The following TTLL8 variants were observed in gnomAD, a reference collection of about 807,000 sequenced individuals.
TTLL8 encodes tubulin tyrosine ligase like 8, also known as protein monoglycylase TTLL8.
Under a neutral mutation model 77.8 loss-of-function variants are expected in TTLL8, and 65 were observed. The observed-to-expected ratio is 0.84, with a 90% confidence interval of 0.68 to 1.03. TTLL8 has a LOEUF of 1.03. TTLL8 is among the 50% of genes least tolerant of loss of function. The probability of loss-of-function intolerance (pLI) is 0.00; values close to 1 mark genes in which losing one functional copy is unlikely to be tolerated. For missense variants in TTLL8, 910 were observed against 1,004.5 expected (o/e 0.91, Z 1.27); for synonymous variants, 402 against 422.8 (o/e 0.95, Z 0.60).
Position 50,031,747 on chromosome 22 carries a change from G to C in TTLL8, c.1646C>G (p.Thr549Ser), listed in dbSNP as rs192975363. 2,521 of 1,356,844 alleles carry C rather than the reference G, an allele frequency of 1.9e-3. 2 individuals are homozygous for C. The highest frequency in any genetic ancestry group is 2.2e-3 in the Non-Finnish European group (2,271 of 1,014,674). The allele number at this position is 1,356,844 out of a possible 1,614,324, so 84.1% of individuals were successfully genotyped here. Residue 549 changes from threonine (T) to serine (S), a missense_variant, in exon 11 of 14, where the codon ACC (threonine) becomes AGC (serine). By Grantham distance (58) the Thr-to-Ser change is moderately conservative. Transcript: ENST00000266182. ...GCTGCGGTCCACGGCCACCTTGATG[G>C]TGTCCTCCTGCACCTGTGCACACAG...
chr22:50,027,050 A>G (rs2061233698), intron 12 of TTLL8, among the ~76,000 whole-genome samples: 1 of 151,870 alleles, frequency 6.6e-6, no homozygotes, highest in Non-Finnish European at 1.5e-5. Context: ...CCTGACCAAT[A>G]TGATGAAACC....
At chr22:50,024,174 T>C (rs761325514) in intron 12 of TTLL8, among the ~76,000 whole-genome samples, 22 of 152,216 alleles carry the variant, frequency 1.4e-4, no homozygotes, top group Admixed American at 6.5e-4. Context: ...TCTCTCTCTG[T>C]CAACCAGGCT....
chr22:50,045,262 G>A (rs1310939599), exon 6 of TTLL8: 1 of 1,355,458 alleles, frequency 7.4e-7, no homozygotes. Context: ...CACCTTGCCT[G>A]CTGCTCAGGT....
At chr22:50,052,855 A>C (rs1423531468) in intron 1 of TTLL8, among the ~76,000 whole-genome samples, 3 of 152,246 alleles carry the variant, frequency 2.0e-5, no homozygotes, top group Non-Finnish European at 4.4e-5. Flanking sequence ...TAGAATGCAC[A>C]GACCAATAAG....
intron 12 of TTLL8, among the ~76,000 whole-genome samples, chr22:50,022,655 G>A (rs1053033540): frequency 3.3e-5 from 5 of 149,796 alleles, no homozygotes; most frequent in East Asian, 1.9e-4. Flanking sequence ...TCCATCTGAC[G>A]ATGTGTTTTG....
intron 12 of TTLL8, among the ~76,000 whole-genome samples, chr22:50,021,782 ATCTGACGACGTGCACTCCTC>A (rs2061202531): frequency 9.4e-6 from 1 of 106,118 alleles, no homozygotes. Context: ...GCACTCCTCC[ATCTGACGACGTGCACTCCTC>A]CATCTGACAT....
intron 6 of TTLL8, among the ~76,000 whole-genome samples, chr22:50,043,658 T>C (rs965789471): frequency 6.6e-6 from 1 of 151,004 alleles, no homozygotes; most frequent in Non-Finnish European, 1.5e-5. Flanking sequence ...CAGTGGTAGA[T>C]CTAGACAGTG....
chr22:50,052,183 C>T (rs1002957615), intron 1 of TTLL8, among the ~76,000 whole-genome samples: 12 of 152,162 alleles, frequency 7.9e-5, no homozygotes, highest in Admixed American at 2.0e-4. Flanking sequence ...TGGCTGTGCA[C>T]GTGAATGAGC....
intron 8 of TTLL8, among the ~76,000 whole-genome samples, chr22:50,036,611 T>C (rs1569227057): frequency 6.6e-6 from 1 of 151,504 alleles, no homozygotes; most frequent in Non-Finnish European, 1.5e-5. Flanking sequence ...TCTTTTTTTT[T>C]TTTTTTAAGA....
chr22:50,046,528 G>C (rs1438943295), intron 4 of TTLL8, among the ~76,000 whole-genome samples: 7 of 152,270 alleles, frequency 4.6e-5, no homozygotes, highest in Admixed American at 4.6e-4. Flanking sequence ...CTGCACACGG[G>C]GTCTTTGAAG....
chr22:50,033,347 C>T (rs750618535), exon 10 of TTLL8: 6 of 1,365,206 alleles, frequency 4.4e-6, no homozygotes, highest in East Asian at 4.5e-5. Context: ...AGCGGCGTCT[C>T]GATGTACTTC....
At chr22:50,050,030 A>C in intron 2 of TTLL8, 79 bp downstream of exon 4, 1 of 1,305,218 alleles carries the variant, frequency 7.7e-7, no homozygotes, top group African/African-American at 1.5e-5. Flanking sequence ...CAGGCACCAC[A>C]CTCAGGCCGG....
Position 50,041,598 on chromosome 22 carries a change from C to A in TTLL8, c.830+23G>T, listed in dbSNP as rs756469222. 1 of 1,329,682 alleles carries A rather than the reference C, an allele frequency of 7.5e-7. No homozygotes were observed. The highest frequency in any genetic ancestry group is 2.2e-5 in the Admixed American group (1 of 45,840). The allele number at this position is 1,329,682 out of a possible 1,614,324, so 82.4% of individuals were successfully genotyped here. ...TCTGCACTCACAGCTCCGACATGTG[C>A]CAGGGGCCTGCGTAAGTCTTACTGA... On this transcript the variant is annotated intron_variant, in intron 7 of 13. Coordinates refer to ENST00000266182, the Ensembl canonical transcript of TTLL8. The surrounding 1 kb of genome is among the most constrained non-coding windows in gnomAD (Gnocchi z 4.3).
chr22:50,021,629 T>C (rs2061201079), intron 12 of TTLL8, among the ~76,000 whole-genome samples: 2 of 134,020 alleles, frequency 1.5e-5, no homozygotes, highest in South Asian at 2.6e-4. Flanking sequence ...CCATCTGACA[T>C]GCACTCCTCC....
intron 12 of TTLL8, among the ~76,000 whole-genome samples, chr22:50,021,471 A>C (rs2061199599): frequency 7.9e-6 from 1 of 126,348 alleles, no homozygotes; most frequent in Non-Finnish European, 1.6e-5. Flanking sequence ...GACGACGTGC[A>C]CTCCTCCATC....
At chr22:50,053,534 A>C (rs1012010900) in intron 1 of TTLL8, among the ~76,000 whole-genome samples, 3 of 152,246 alleles carry the variant, frequency 2.0e-5, no homozygotes, top group Admixed American at 6.5e-5. Flanking sequence ...GTAGCCTTAA[A>C]TGTTTATACA....
intron 2 of TTLL8, chr22:50,049,902 A>C: frequency 6.5e-6 from 2 of 309,494 alleles, no homozygotes; most frequent in Non-Finnish European, 9.4e-6. Context: ...CTGAGAAGGG[A>C]GCAGGGCTGG....
chr22:50,043,378 A>G (rs13055346), intron 6 of TTLL8, among the ~76,000 whole-genome samples: 5,602 of 61,054 alleles, frequency 0.092, 758 homozygotes, highest in Middle Eastern at 0.16. Context: ...TGGATAGATA[A>G]ATAAACAGTG....
At chr22:50,033,428 G>C (rs371512571) in exon 10 of TTLL8, 6 of 1,364,088 alleles carry the variant, frequency 4.4e-6, no homozygotes, top group Non-Finnish European at 5.9e-6. Flanking sequence ...TCCTCCACAC[G>C]GTCCATGCAC....
Sources: gnomAD v4.1 joint callset for allele counts (sites outside exome capture counted in the v4.1 genomes callset) on GRCh38, gnomAD v4.1.1 for gene constraint, Gnocchi (gnomAD v3.1) non-coding constraint, MANE v1.5 for transcripts, NCBI Gene and HGNC (gene_info 2026-07-23, HGNC 2026-07-21) for gene names.